BTBD9: variants seen among roughly 807,000 people sequenced by gnomAD.
BTBD9 encodes the protein BTB/POZ domain-containing protein 9.
BTBD9 carries 49 observed loss-of-function variants against 64.3 expected under a neutral mutation model. The observed-to-expected ratio is 0.76, with a 90% CI of 0.61 to 0.97. The LOEUF is 0.97. Ranked by LOEUF, BTBD9 falls within the 50% of genes least tolerant of loss-of-function variation. BTBD9 has a pLI of 0.00. For missense variants in BTBD9, 598 were observed against 762.1 expected (o/e 0.78, Z 2.53); for synonymous variants, 260 against 274.7 (o/e 0.95, Z 0.53).
intron 10 of BTBD9, among the ~76,000 whole-genome samples, chr6:38,177,140 ATCCCTGCTC>A (rs543623462): frequency 1.3e-5 from 2 of 152,064 alleles, no homozygotes; most frequent in Non-Finnish European, 2.9e-5. Flanking sequence ...TATTTGTGTA[ATCCCTGCTC>A]TCCCTGCTCG....
intron 6 of BTBD9, among the ~76,000 whole-genome samples, chr6:38,361,667 C>T (rs1562077492): frequency 6.6e-6 from 1 of 152,014 alleles, no homozygotes; most frequent in Non-Finnish European, 1.5e-5. Flanking sequence ...ATGGAGACAC[C>T]CCGTTTCTAC....
At chr6:38,324,434 G>GA (rs1763344449) in intron 7 of BTBD9, among the ~76,000 whole-genome samples, 1 of 152,132 alleles carries the variant, frequency 6.6e-6, no homozygotes, top group African/African-American at 2.4e-5. Context: ...GTGGATTAAA[G>GA]AAAAAATGCT....
In BTBD9 at chr6:38,322,246, T is replaced by C. The variant is rs561072442; in HGVS notation, c.1264+22738A>G. 7.9e-5 allele frequency among the ~76,000 whole-genome samples: 12 copies of C among 152,162 alleles called. No homozygotes were observed. In the South Asian group the frequency reaches 1.2e-3, roughly 16 times the overall value. ...GCCTTGGTCCTCTTCCTGGGGAGGA[T>C]TGCATCTCCAAGATACTCTTCCGTT... On this transcript the variant is annotated intron_variant, in intron 7 of 10. Coordinates refer to ENST00000481247, the MANE Select transcript of BTBD9 (RefSeq NM_001099272.2).
intron 8 of BTBD9, among the ~76,000 whole-genome samples, chr6:38,266,610 GAAAGAAAGAAAGAAAGAAAGAAA>G (rs1561947023): frequency 6.9e-3 from 25 of 3,632 alleles, no homozygotes; most frequent in Non-Finnish European, 0.013. Flanking sequence ...AGAAAGGAAA[GAAAGAAAGAAAGAAAGAAAGAAA>G]GAAAGAAAGA....
At chr6:38,473,102 A>G (rs974873818) in intron 6 of BTBD9, among the ~76,000 whole-genome samples, 3 of 152,226 alleles carry the variant, frequency 2.0e-5, no homozygotes, top group Non-Finnish European at 4.4e-5. Context: ...TTTCTCTTCC[A>G]AACAGAACAA....
intron 9 of BTBD9, among the ~76,000 whole-genome samples, chr6:38,238,878 G>A (rs1350107607): frequency 1.3e-5 from 2 of 152,164 alleles, no homozygotes; most frequent in Non-Finnish European, 2.9e-5. Flanking sequence ...TGATGTTAAT[G>A]CTGGTCAGCT....
At chr6:38,423,618 T>C (rs982667352) in intron 6 of BTBD9, among the ~76,000 whole-genome samples, 1 of 152,172 alleles carries the variant, frequency 6.6e-6, no homozygotes, top group Non-Finnish European at 1.5e-5. Context: ...CCTTTACAAG[T>C]TACCATAAAA....
chr6:38,270,084 C>T (rs950594981), intron 8 of BTBD9, among the ~76,000 whole-genome samples: 3 of 152,162 alleles, frequency 2.0e-5, no homozygotes, highest in South Asian at 2.1e-4. Context: ...CTAGACCTTG[C>T]GACATTGACT....
chr6:38,598,249 T>C (rs1777118665), intron 1 of BTBD9, 128 bp from the exon 2 acceptor site: 3 of 664,232 alleles, frequency 4.5e-6, no homozygotes, highest in Non-Finnish European at 7.4e-6. Context: ...AGTTAATCAA[T>C]GGTATCCTTA....
chr6:38,349,716 T>G (rs1764425223), intron 6 of BTBD9, among the ~76,000 whole-genome samples: 1 of 151,994 alleles, frequency 6.6e-6, no homozygotes, highest in African/African-American at 2.4e-5. Flanking sequence ...AGGAGGGGAT[T>G]ACTGTATTAC....
At chr6:38,210,269 A>G (rs1037591713) in intron 9 of BTBD9, among the ~76,000 whole-genome samples, 1 of 152,020 alleles carries the variant, frequency 6.6e-6, no homozygotes. Context: ...CTTCGATAAT[A>G]GCACGAACAT....
At chr6:38,468,272 GCATGGCATATTC>G in intron 6 of BTBD9, among the ~76,000 whole-genome samples, 1 of 152,092 alleles carries the variant, frequency 6.6e-6, no homozygotes, top group East Asian at 1.9e-4. Context: ...AACCCTTGTT[GCATGGCATATTC>G]AAAGTTCTAT....
At chr6:38,261,224 C>A (rs1288248717) in intron 8 of BTBD9, among the ~76,000 whole-genome samples, 1 of 152,082 alleles carries the variant, frequency 6.6e-6, no homozygotes, top group Non-Finnish European at 1.5e-5. Context: ...CTGAGTCCAG[C>A]GTATTATGAA....
intron 6 of BTBD9, among the ~76,000 whole-genome samples, chr6:38,523,236 C>CT (rs1267508999): frequency 6.6e-6 from 1 of 152,018 alleles, no homozygotes; most frequent in Non-Finnish European, 1.5e-5. Flanking sequence ...GATGACACCT[C>CT]TTGCAGACAC....
Position 38,355,265 on chromosome 6 carries a change from C to T in BTBD9, c.1155-10172G>A, listed in dbSNP as rs189950709. On this transcript the variant is annotated intron_variant, in intron 6 of 10. Coordinates refer to ENST00000481247, the MANE Select transcript of BTBD9 (RefSeq NM_001099272.2). ...AGACATGGGATTCAAACCTAACAGT[C>T]TACCCAATCATTTAAAAAGACATTT... Among the ~76,000 whole-genome samples the T allele has an allele frequency of 5.3e-5, 8 of 152,294 alleles. No individual in the cohort carries two copies. The East Asian group carries it at 1.5e-3, about 29-fold the overall frequency.
At chr6:38,404,283 A>G (rs1047956000) in intron 6 of BTBD9, among the ~76,000 whole-genome samples, 3 of 152,218 alleles carry the variant, frequency 2.0e-5, no homozygotes, top group African/African-American at 7.2e-5. Flanking sequence ...CCATTCCTTT[A>G]GCACACTAGC....
At chr6:38,379,511 C>T (rs1381451171) in intron 6 of BTBD9, among the ~76,000 whole-genome samples, 1 of 151,976 alleles carries the variant, frequency 6.6e-6, no homozygotes, top group Non-Finnish European at 1.5e-5. Context: ...GGGAGACAGG[C>T]AAAGAGAATT....
chr6:38,567,066 G>A (rs1465973709), intron 6 of BTBD9, among the ~76,000 whole-genome samples: 4 of 152,138 alleles, frequency 2.6e-5, no homozygotes, highest in African/African-American at 4.8e-5. Flanking sequence ...AAGGAAAAAC[G>A]TCTTTTGGCA....
intron 6 of BTBD9, among the ~76,000 whole-genome samples, chr6:38,497,077 T>TG (rs148686746): frequency 6.6e-6 from 1 of 152,312 alleles, no homozygotes; most frequent in East Asian, 1.9e-4. Context: ...TACAGAACTA[T>TG]GACCATCTAG....
Sources: allele counts gnomAD v4.1 joint callset (sites outside exome capture counted in the v4.1 genomes callset), GRCh38; gene constraint gnomAD v4.1.1; transcripts MANE v1.5; gene names NCBI Gene and HGNC (gene_info 2026-07-23, HGNC 2026-07-21).